PIP5K1B: variants seen among roughly 807,000 people sequenced by gnomAD.
PIP5K1B encodes the protein phosphatidylinositol 4-phosphate 5-kinase type-1 beta.
A neutral mutation model predicts 67.0 loss-of-function variants in PIP5K1B; 42 were observed. The ratio of observed to expected loss-of-function variants is 0.63; its 90% CI spans 0.49 to 0.81. The LOEUF (loss-of-function observed/expected upper bound fraction) is 0.81, where lower values mean the gene tolerates loss of function less well. Among genes scored for constraint, PIP5K1B ranks in the 30% least tolerant of loss-of-function variants. The pLI, the probability that PIP5K1B is intolerant of heterozygous loss-of-function variation, is 0.00. For synonymous variants in PIP5K1B, 214 were observed against 231.4 expected, an observed-to-expected ratio of 0.92 and a Z score of 0.68; for missense variants, 459 against 646.3, an observed-to-expected ratio of 0.71 and a Z score of 3.14.
intron 4 of PIP5K1B, among the ~76,000 whole-genome samples, chr9:68,862,100 CAA>C (rs1823118413): frequency 6.6e-6 from 1 of 152,042 alleles, no homozygotes; most frequent in Non-Finnish European, 1.5e-5. Context: ...GTAGAATAAG[CAA>C]AGTGATGAAA....
At chr9:68,981,375 TC>T (rs1350599414) in intron 14 of PIP5K1B, among the ~76,000 whole-genome samples, 2 of 151,480 alleles carry the variant, frequency 1.3e-5, no homozygotes, top group Non-Finnish European at 2.9e-5. Context: ...AGGTTAAGAA[TC>T]TTTTAACCCC....
chr9:68,763,858 G>A (rs1203800444), intron 2 of PIP5K1B, among the ~76,000 whole-genome samples: 1 of 152,018 alleles, frequency 6.6e-6, no homozygotes, highest in African/African-American at 2.4e-5. Flanking sequence ...AACATCACAT[G>A]GTTTCTTAAG....
intron 14 of PIP5K1B, among the ~76,000 whole-genome samples, chr9:68,954,586 T>C (rs1487144399): frequency 6.6e-6 from 1 of 152,228 alleles, no homozygotes; most frequent in African/African-American, 2.4e-5. Context: ...GAAAAGGCTA[T>C]TTTTCAAAGA....
intron 1 of PIP5K1B, among the ~76,000 whole-genome samples, chr9:68,740,146 A>G (rs773130247): frequency 2.6e-5 from 4 of 152,194 alleles, no homozygotes; most frequent in Non-Finnish European, 5.9e-5. Context: ...TGTGTGGCCC[A>G]AGGCTCTGCT....
intron 2 of PIP5K1B, among the ~76,000 whole-genome samples, chr9:68,778,492 TC>T (rs1421008102): frequency 6.6e-6 from 1 of 152,198 alleles, no homozygotes; most frequent in Admixed American, 6.5e-5. Flanking sequence ...TCTATTTCTT[TC>T]ACAATCTAAA....
intron 4 of PIP5K1B, among the ~76,000 whole-genome samples, chr9:68,826,803 G>A (rs1834009556): frequency 6.6e-6 from 1 of 152,180 alleles, no homozygotes; most frequent in Non-Finnish European, 1.5e-5. Flanking sequence ...CCAGGCTGGA[G>A]TGCAGTGGCA....
At chr9:68,855,006 C>T (rs1564186081) in intron 4 of PIP5K1B, among the ~76,000 whole-genome samples, 1 of 152,038 alleles carries the variant, frequency 6.6e-6, no homozygotes, top group Non-Finnish European at 1.5e-5. Flanking sequence ...TTGACGAGTC[C>T]ATCAAATAAT....
chr9:68,780,862 C>G, intron 2 of PIP5K1B: 3 of 1,614,240 alleles, frequency 1.9e-6, no homozygotes, highest in Non-Finnish European at 2.5e-6. Flanking sequence ...GCACAGCTGT[C>G]AGATCCTGGT....
At chr9:68,848,277 A>G (rs553720046) in intron 4 of PIP5K1B, among the ~76,000 whole-genome samples, 1 of 152,342 alleles carries the variant, frequency 6.6e-6, no homozygotes, top group East Asian at 1.9e-4. Flanking sequence ...ATGTGAAAAG[A>G]TTCCACCTAA....
At position 69,008,811 on chromosome 9, in the gene PIP5K1B, A is replaced by G. The variant is rs751537696; in HGVS notation, c.*362A>G. On this transcript the variant is annotated 3_prime_UTR_variant, in exon 16 of 16. Coordinates refer to ENST00000265382, the MANE Select transcript of PIP5K1B (RefSeq NM_003558.4). ...ATGCATCCAGTGATTATACATAAGC[A>G]ACATATGTAATCTGCTTATATATTT... The G allele has an allele frequency of 4.7e-6, 1 of 214,600 alleles. No homozygotes were observed. Among genetic ancestry groups the G allele is most frequent in the Non-Finnish European group, 9.6e-6 (1 of 104,100 alleles). 13.3% of individuals were successfully genotyped at this position (214,600 alleles called of 1,614,324 possible). A position where few individuals can be genotyped will look rare whatever the true frequency, so the allele number is the denominator to read the frequency against.
chr9:68,926,512 C>T (rs555917058), intron 12 of PIP5K1B, among the ~76,000 whole-genome samples: 14 of 151,912 alleles, frequency 9.2e-5, no homozygotes, highest in Non-Finnish European at 2.1e-4. Flanking sequence ...GTGTACAGGC[C>T]TATGATTCTT....
At chr9:69,004,512 G>A (rs76644091) in intron 15 of PIP5K1B, among the ~76,000 whole-genome samples, 23,088 of 152,170 alleles carry the variant, frequency 0.15, 2,256 homozygotes, top group Admixed American at 0.22. Context: ...GACAAGTCCC[G>A]TGAGGTCTCT....
chr9:68,899,343 G>T (rs769063318), intron 8 of PIP5K1B, among the ~76,000 whole-genome samples: 30 of 152,108 alleles, frequency 2.0e-4, no homozygotes, highest in Non-Finnish European at 4.3e-4. Flanking sequence ...GTAAATCCTG[G>T]AGCCTGAGGA....
At chr9:68,760,605 T>C (rs1247463644) in intron 2 of PIP5K1B, among the ~76,000 whole-genome samples, 2 of 152,086 alleles carry the variant, frequency 1.3e-5, no homozygotes, top group Non-Finnish European at 2.9e-5. Context: ...GTCAGCTCAC[T>C]CTGCTGGACT....
In PIP5K1B at chr9:68,991,943, G is replaced by A. The variant is rs12350894; in HGVS notation, c.1620+686G>A. 6.3e-3 allele frequency among the ~76,000 whole-genome samples: 953 copies of A among 151,968 alleles called. 7 individuals are homozygous for A. The highest frequency in any genetic ancestry group is 0.022 in the African/African-American group (897 of 41,412). On this transcript the variant is annotated intron_variant, in intron 15 of 15. Transcript: ENST00000265382. ...CAAGTGCATCTTGCATGTATGCTAC[G>A]TCTTTGTATGCCTGCACAAAAAAAA...
chr9:68,731,973 A>AC (rs1307840875), intron 1 of PIP5K1B, among the ~76,000 whole-genome samples: 19 of 152,080 alleles, frequency 1.2e-4, no homozygotes, highest in Non-Finnish European at 1.3e-4. Context: ...AGGTGTGGGA[A>AC]GTAATGGCGT....
chr9:69,007,651 T>A (rs149485357), intron 15 of PIP5K1B, among the ~76,000 whole-genome samples: 1,826 of 151,864 alleles, frequency 0.012, 22 homozygotes, highest in African/African-American at 0.035. Flanking sequence ...AGGTCAGGAG[T>A]TCAAGACCAT....
At chr9:68,714,442 C>T (rs1827539091) in intron 1 of PIP5K1B, among the ~76,000 whole-genome samples, 1 of 152,198 alleles carries the variant, frequency 6.6e-6, no homozygotes, top group Non-Finnish European at 1.5e-5. Flanking sequence ...TCTATCCTAG[C>T]CCAACTTCTT....
chr9:68,872,652 C>A (rs1217922758), intron 5 of PIP5K1B, among the ~76,000 whole-genome samples: 1 of 152,148 alleles, frequency 6.6e-6, no homozygotes, highest in Non-Finnish European at 1.5e-5. Context: ...ATCACTGTTA[C>A]TTGTGGCTGT....
Sources: allele counts gnomAD v4.1 joint callset (sites outside exome capture counted in the v4.1 genomes callset), GRCh38; gene constraint gnomAD v4.1.1; transcripts MANE v1.5; gene names NCBI Gene and HGNC (gene_info 2026-07-23, HGNC 2026-07-21).